GDPD4: variants seen among roughly 807,000 people sequenced by gnomAD.
The protein encoded by GDPD4 is glycerophosphodiester phosphodiesterase 6.
A neutral mutation model predicts 67.8 loss-of-function variants in GDPD4; 60 were observed. The observed-to-expected ratio is 0.88, with a 90% confidence interval of 0.72 to 1.10. The LOEUF is 1.10. Ranked by LOEUF, GDPD4 falls within the 50% of genes least tolerant of loss-of-function variation. The pLI is 0.00. For missense variants in GDPD4, 623 were observed against 613.9 expected (o/e 1.01, Z -0.16); for synonymous variants, 212 against 210.9 (o/e 1.00, Z -0.04).
At chr11:77,276,986 A>G (rs1959498882) in intron 4 of GDPD4, among the ~76,000 whole-genome samples, 1 of 152,158 alleles carries the variant, frequency 6.6e-6, no homozygotes. Flanking sequence ...CTAAAGATAG[A>G]ACTAGAAATA....
chr11:77,258,416 CAG>C lies in GDPD4; in HGVS notation c.832_833del (p.Leu278GlufsTer25). The C allele has an allele frequency of 6.2e-7, 1 of 1,614,140 alleles. No homozygotes were observed. Among genetic ancestry groups the C allele is most frequent in the Non-Finnish European group, 8.5e-7 (1 of 1,179,998 alleles). ...AFFNWDFLST[L>X]NAGKWFVKPE... ...GTTTTACAAACCATTTGCCTGCATT[CAG>C]AGTCGATAGGAAATCCCAGTTGAAG... On this transcript the variant is annotated frameshift_variant, in exon 11 of 17. Coordinates refer to ENST00000315938, the MANE Select transcript of GDPD4 (RefSeq NM_182833.3). LOFTEE classifies it high-confidence loss of function.
At chr11:77,268,632 G>T (rs1959190393) in intron 9 of GDPD4, 93 bp from the exon 10 acceptor site, 2 of 1,029,956 alleles carry the variant, frequency 1.9e-6, no homozygotes, top group South Asian at 2.7e-5. Flanking sequence ...AGGATTTTGG[G>T]GAGCAGAGCT....
chr11:77,276,052 A>G (rs746685052), intron 5 of GDPD4, 109 bp downstream of exon 5: 25 of 740,040 alleles, frequency 3.4e-5, no homozygotes, highest in African/African-American at 5.3e-5. Flanking sequence ...GAGAACAGTA[A>G]CAGAGAGGGT....
At chr11:77,223,528 G>T (rs1363138816) in intron 16 of GDPD4, among the ~76,000 whole-genome samples, 1 of 152,194 alleles carries the variant, frequency 6.6e-6, no homozygotes, top group African/African-American at 2.4e-5. Flanking sequence ...AGAGGCTGCA[G>T]AACAGCAAAT....
chr11:77,245,589 TC>T, intron 11 of GDPD4, 87 bp from the exon 12 acceptor site: 1 of 828,646 alleles, frequency 1.2e-6, no homozygotes, highest in Non-Finnish European at 1.9e-6. Context: ...CCTCAGTTGC[TC>T]CATTATCATT....
intron 16 of GDPD4, among the ~76,000 whole-genome samples, chr11:77,219,178 A>T (rs939074827): frequency 3.0e-4 from 45 of 152,220 alleles, no homozygotes; most frequent in Admixed American, 6.5e-5. Flanking sequence ...TGTTGGCTGC[A>T]TAAAGGTCTT....
intron 10 of GDPD4, 29 bp downstream of exon 10, chr11:77,268,428 C>T (rs895693674): frequency 1.1e-5 from 16 of 1,494,032 alleles, no homozygotes; most frequent in South Asian, 3.4e-5. Context: ...ATACCCTCCT[C>T]CCCTCACCCC....
intron 5 of GDPD4, among the ~76,000 whole-genome samples, chr11:77,271,777 A>T (rs1228485255): frequency 6.6e-6 from 1 of 152,256 alleles, no homozygotes; most frequent in Admixed American, 6.5e-5. Flanking sequence ...CAATACAATT[A>T]TAAGTAAATA....
At chr11:77,277,718 T>G (rs1959553185) in intron 4 of GDPD4, among the ~76,000 whole-genome samples, 1 of 152,102 alleles carries the variant, frequency 6.6e-6, no homozygotes, top group Admixed American at 6.5e-5. Flanking sequence ...TGAAGGGTTT[T>G]TTGTGTCTCT....
At chr11:77,297,071 A>AC (rs1323788833) in intron 1 of GDPD4, among the ~76,000 whole-genome samples, 7 of 147,756 alleles carry the variant, frequency 4.7e-5, no homozygotes, top group East Asian at 2.0e-4. Flanking sequence ...AAAAAAAAAA[A>AC]AACAAAAAAA....
rs1958403059 is a variant in GDPD4, at chr11:77,229,060, C to T, written c.1472+90G>A. The T allele has an allele frequency of 1.5e-5, 9 of 615,796 alleles. No individual in the cohort carries two copies. The South Asian group carries it at 1.8e-4, about 13-fold the overall frequency. The allele number at this position is 615,796 out of a possible 1,614,324, so 38.1% of individuals were successfully genotyped here. ...AACGCCATCTTGCCATGTGGGATTA[C>T]GGGAAGAGCGTAACTCTTATTTTTC... On this transcript the variant is annotated intron_variant, in intron 15 of 16. Coordinates refer to ENST00000315938, the MANE Select transcript of GDPD4 (RefSeq NM_182833.3).
chr11:77,228,468 C>A (rs1225793765), intron 15 of GDPD4, among the ~76,000 whole-genome samples: 3 of 133,122 alleles, frequency 2.3e-5, no homozygotes, highest in African/African-American at 8.7e-5. Flanking sequence ...ACACTATACT[C>A]CAGCCTGGGT....
At chr11:77,289,488 G>A (rs111597880) in intron 1 of GDPD4, among the ~76,000 whole-genome samples, 8,082 of 151,198 alleles carry the variant, frequency 0.053, 770 homozygotes, top group African/African-American at 0.19. Context: ...CTGGGAGGCC[G>A]AGGCAGGGGG....
At chr11:77,248,121 A>T (rs555690722) in intron 11 of GDPD4, among the ~76,000 whole-genome samples, 1 of 151,670 alleles carries the variant, frequency 6.6e-6, no homozygotes, top group South Asian at 2.1e-4. Flanking sequence ...CAATGATGCC[A>T]CATCAAGGAA....
chr11:77,268,659 C>T (rs1430922096), intron 9 of GDPD4, 120 bp from the exon 10 acceptor site: 2 of 813,776 alleles, frequency 2.5e-6, no homozygotes, highest in Admixed American at 2.1e-5. Flanking sequence ...CCTGAGATCT[C>T]CTTTCAAAAC....
chr11:77,278,361 T>A lies in GDPD4; in HGVS notation c.147+945A>T, dbSNP rs61901768. Among the ~76,000 whole-genome samples the A allele has an allele frequency of 3.3e-5, 5 of 152,178 alleles. No individual in the cohort carries two copies. The East Asian group carries it at 9.6e-4, about 29-fold the overall frequency. On this transcript the variant is annotated intron_variant, in intron 4 of 16. Transcript: ENST00000315938. ...TTGCTTAGTCATGAAGCTCCCTCAGTCCACAATGTTCTTCCTCATTACCAT... is the reference window on the plus strand; with the variant it reads ...TTGCTTAGTCATGAAGCTCCCTCAGACCACAATGTTCTTCCTCATTACCAT...
intron 10 of GDPD4, among the ~76,000 whole-genome samples, chr11:77,261,691 G>C (rs1342734377): frequency 6.6e-6 from 1 of 152,158 alleles, no homozygotes; most frequent in African/African-American, 2.4e-5. Context: ...AATGGGACTG[G>C]GCTATTCCCA....
At chr11:77,248,005 C>T (rs535918421) in intron 11 of GDPD4, among the ~76,000 whole-genome samples, 6 of 139,556 alleles carry the variant, frequency 4.3e-5, no homozygotes, top group South Asian at 4.7e-4. Flanking sequence ...GAGCCAAGAT[C>T]GCACCATTGT....
At position 77,258,438 on chromosome 11, in the gene GDPD4, T is replaced by C. The variant is rs760278523; in HGVS notation, c.812A>G (p.Asn271Ser). Residue 271 changes from asparagine (N) to serine (S), a missense_variant, in exon 11 of 17, where the codon AAC becomes AGC. Physicochemically the swap from Asn to Ser is conservative, Grantham distance 46. Transcript: ENST00000315938. ...ESACENPAFF[N>S]WDFLSTLNAG... ...ATTCAGAGTCGATAGGAAATCCCAG[T>C]TGAAGAAGGCAGGGTTCTCGCAGGC... is the stretch of plus-strand genomic sequence containing the variant. 7 of 1,614,038 alleles carry C rather than the reference T, an allele frequency of 4.3e-6. No homozygotes were observed. Among genetic ancestry groups the C allele is most frequent in the South Asian group, 3.3e-5 (3 of 91,088 alleles).
Sources: allele counts gnomAD v4.1 joint callset (sites outside exome capture counted in the v4.1 genomes callset), GRCh38; gene constraint gnomAD v4.1.1; transcripts MANE v1.5; gene names NCBI Gene and HGNC (gene_info 2026-07-23, HGNC 2026-07-21).